The following BACE2 variants were observed in gnomAD, a reference collection of about 807,000 sequenced individuals.
BACE2 encodes the protein 56 kDa aspartic-like protease.
BACE2 carries 17 observed loss-of-function variants against 46.2 expected under a neutral mutation model. The ratio of observed to expected loss-of-function variants is 0.37; its 90% CI spans 0.25 to 0.55. The LOEUF (loss-of-function observed/expected upper bound fraction) is 0.55. BACE2 is among the 20% of genes least tolerant of loss of function. The pLI is 0.82. For synonymous variants in BACE2, 277 were observed against 295.9 expected, an observed-to-expected ratio of 0.94 and a Z score of 0.66; for missense variants, 595 against 698.1, an observed-to-expected ratio of 0.85 and a Z score of 1.66.
chr21:41,241,364 G>A (rs1406031454), intron 3 of BACE2, among the ~76,000 whole-genome samples: 1 of 152,076 alleles, frequency 6.6e-6, no homozygotes, highest in Non-Finnish European at 1.5e-5. Context: ...GTCCTCCCAG[G>A]TCAGCCACCT....
At position 41,217,034 on chromosome 21, in the gene BACE2, C is replaced by T. The variant is rs574125568; in HGVS notation, c.313-9232C>T. Among the ~76,000 whole-genome samples, 3 of 152,296 alleles carry T rather than the reference C, an allele frequency of 2.0e-5. No homozygotes were observed. In the South Asian group the frequency reaches 6.2e-4, roughly 32 times the overall value. On this transcript the variant is annotated intron_variant, in intron 1 of 8. Transcript: ENST00000330333. Reference sequence around the variant, plus strand: ...GCAACTTCTGCCTCTTGGGTTCAAGCAATTCTCCTGCCTCAGTCTCCTGAG... The same window carrying T: ...GCAACTTCTGCCTCTTGGGTTCAAGTAATTCTCCTGCCTCAGTCTCCTGAG...
At chr21:41,231,596 C>T (rs1475869177) in intron 2 of BACE2, among the ~76,000 whole-genome samples, 1 of 152,218 alleles carries the variant, frequency 6.6e-6, no homozygotes, top group African/African-American at 2.4e-5. Context: ...CTTTTCCCCT[C>T]AGTTCAATTG....
At chr21:41,204,834 T>C (rs1192750739) in intron 1 of BACE2, among the ~76,000 whole-genome samples, 1 of 152,230 alleles carries the variant, frequency 6.6e-6, no homozygotes, top group Non-Finnish European at 1.5e-5. Flanking sequence ...GGTCAGTCAA[T>C]AGAGATTTAA....
At position 41,276,894 on chromosome 21, in the gene BACE2, T is replaced by G. The variant is rs12482242; in HGVS notation, c.*1270T>G. ...GGGGGTGTTTAATCTTTGGTAACAG[T>G]TGTGCAGTGGTAGCCTTATTTCGGG... On this transcript the variant is annotated 3_prime_UTR_variant, in exon 9 of 9. Coordinates refer to ENST00000330333, the MANE Select transcript of BACE2 (RefSeq NM_012105.5). 64,758 of 152,186 alleles carry G rather than the reference T, an allele frequency of 0.43. 15,467 individuals are homozygous for G. Among genetic ancestry groups the G allele is most frequent in the East Asian group, 0.7 (3,599 of 5,158 alleles). The allele number at this position is 152,186 out of a possible 1,614,324, so 9.4% of individuals were successfully genotyped here. A position where few individuals can be genotyped will look rare whatever the true frequency, so the allele number is the denominator to read the frequency against.
In BACE2 at chr21:41,168,543, C is replaced by T. The variant is rs1984467340; in HGVS notation, c.280C>T (p.Leu94=). ...LQGDSGRGYY[L]EMLIGTPPQK... The stretch of plus-strand genomic sequence containing the variant: ...GGGGGACTCTGGCCGCGGCTACTAC[C>T]TGGAGATGCTGATCGGGACCCCCCC... Residue 94 remains leucine (L), a synonymous_variant, in exon 1 of 9, where the codon CTG becomes TTG. Transcript: ENST00000330333. The T allele has an allele frequency of 7.5e-7, 1 of 1,339,892 alleles. No homozygotes were observed. Among genetic ancestry groups the T allele is most frequent in the Non-Finnish European group, 9.6e-7 (1 of 1,037,890 alleles). 83.0% of individuals were successfully genotyped at this position (1,339,892 alleles called of 1,614,324 possible).
chr21:41,202,419 G>C (rs1329054961), intron 1 of BACE2, among the ~76,000 whole-genome samples: 1 of 152,228 alleles, frequency 6.6e-6, no homozygotes, highest in Non-Finnish European at 1.5e-5. Flanking sequence ...TCAACAAGCT[G>C]CCAGCCAGGT....
At chr21:41,224,700 G>A (rs548762217) in intron 1 of BACE2, among the ~76,000 whole-genome samples, 26 of 152,308 alleles carry the variant, frequency 1.7e-4, no homozygotes, top group Admixed American at 1.7e-3. Flanking sequence ...GAGTGAAACA[G>A]TGGGATACAG....
intron 1 of BACE2, among the ~76,000 whole-genome samples, chr21:41,172,068 G>A (rs1984627276): frequency 6.6e-6 from 1 of 152,202 alleles, no homozygotes; most frequent in South Asian, 2.1e-4. Context: ...AAACAAGAAG[G>A]CAATCCCAGC....
rs900876846 is a variant in BACE2, at chr21:41,279,176, G to A, written c.*3552G>A. The A allele has an allele frequency of 2.0e-5, 3 of 152,030 alleles. No homozygotes were observed. Among genetic ancestry groups the A allele is most frequent in the Non-Finnish European group, 2.9e-5 (2 of 68,004 alleles). The allele number at this position is 152,030 out of a possible 1,614,324, so 9.4% of individuals were successfully genotyped here. A position where few individuals can be genotyped will look rare whatever the true frequency, so the allele number is the denominator to read the frequency against. On this transcript the variant is annotated 3_prime_UTR_variant, in exon 9 of 9. Coordinates refer to ENST00000330333, the MANE Select transcript of BACE2 (RefSeq NM_012105.5). ...CTCTAGGGAGCTTTAAGAATTTCAC[G>A]TTTGAACTTTACAGCTGTTTACCAA...
chr21:41,258,210 A>G (rs1188488680), intron 8 of BACE2, among the ~76,000 whole-genome samples: 1 of 152,210 alleles, frequency 6.6e-6, no homozygotes, highest in Non-Finnish European at 1.5e-5. Context: ...TGTGCTGGTG[A>G]TATGTGAAAG....
At chr21:41,244,880 T>A (rs1277667988) in intron 5 of BACE2, among the ~76,000 whole-genome samples, 1 of 151,702 alleles carries the variant, frequency 6.6e-6, no homozygotes, top group Non-Finnish European at 1.5e-5. Context: ...TGTGTGTGTG[T>A]GAGTGTGTGT....
intron 1 of BACE2, among the ~76,000 whole-genome samples, chr21:41,215,009 G>T (rs1018481014): frequency 2.6e-5 from 4 of 152,188 alleles, no homozygotes; most frequent in African/African-American, 9.7e-5. Flanking sequence ...ACTGAGGCCT[G>T]GTCACTTGCG....
chr21:41,226,074 G>A (rs1284669981), intron 1 of BACE2, among the ~76,000 whole-genome samples, 192 bp from the exon 2 acceptor site: 5 of 152,148 alleles, frequency 3.3e-5, no homozygotes, highest in Admixed American at 3.3e-4. Flanking sequence ...TCCAGTGCAA[G>A]CTTCTTCATG....
intron 2 of BACE2, among the ~76,000 whole-genome samples, chr21:41,232,382 T>C (rs181650151): frequency 6.6e-6 from 1 of 152,296 alleles, no homozygotes; most frequent in East Asian, 1.9e-4. Context: ...TGAGACAGCT[T>C]TAGATTCAGT....
At chr21:41,178,904 A>G in intron 1 of BACE2, 1 of 316,772 alleles carries the variant, frequency 3.2e-6, no homozygotes, top group Non-Finnish European at 6.0e-6. Context: ...AGACAGTGCC[A>G]TGTGGGAAGG....
chr21:41,203,241 G>A (rs56250309), intron 1 of BACE2, among the ~76,000 whole-genome samples: 6,031 of 152,182 alleles, frequency 0.04, 373 homozygotes, highest in African/African-American at 0.13. Flanking sequence ...GAATATCAGC[G>A]GTAGGGAAGT....
rs1269087552 is a variant in BACE2 at position 41,279,218 on chromosome 21, A to AAAAATACAT, written c.*3595_*3603dup. On this transcript the variant is annotated 3_prime_UTR_variant, in exon 9 of 9. Coordinates refer to ENST00000330333, the MANE Select transcript of BACE2 (RefSeq NM_012105.5). Reference sequence around the variant, plus strand: ...GTTTACCAATTAAATGGCAAGCTGGAAAAATACATTTTGAGAGGGGTAGAA... The same window carrying AAAAATACAT: ...GTTTACCAATTAAATGGCAAGCTGGAAAAATACATAAAATACATTTTGAGAGGGGTAGAA... 1 of 152,226 alleles carries AAAAATACAT rather than the reference A, an allele frequency of 6.6e-6. No individual in the cohort carries two copies. The highest frequency in any genetic ancestry group is 2.4e-5 in the African/African-American group (1 of 41,452). 9.4% of individuals were successfully genotyped at this position (152,226 alleles called of 1,614,324 possible).
At chr21:41,254,924 C>T (rs12482462) in intron 7 of BACE2, among the ~76,000 whole-genome samples, 55,220 of 152,208 alleles carry the variant, frequency 0.36, 11,806 homozygotes, top group East Asian at 0.7. Flanking sequence ...GAGCTCTGGG[C>T]CAGCTAGGAG....
At position 41,174,138 on chromosome 21, in the gene BACE2, C is replaced by CTTTTTTTTTTTTTTTTTTTTTT. The variant is rs1568853912; in HGVS notation, c.312+5563_312+5564insTTTTTTTTTTTTTTTTTTTTTT. 7.1e-5 allele frequency among the ~76,000 whole-genome samples: 5 copies of CTTTTTTTTTTTTTTTTTTTTTT among 70,646 alleles called. 1 individual carries two copies. Among genetic ancestry groups the CTTTTTTTTTTTTTTTTTTTTTT allele is most frequent in the East Asian group, 5.5e-4 (1 of 1,816 alleles). 46.3% of individuals were successfully genotyped at this position (70,646 alleles called of 152,430 possible). Reference sequence around the variant, plus strand: ...TAAGGATAGCTGTTGTGATCAGTGGCCTTTTTTTTTTTTTTTTTTTTTTTT... The same window carrying CTTTTTTTTTTTTTTTTTTTTTT: ...TAAGGATAGCTGTTGTGATCAGTGGCTTTTTTTTTTTTTTTTTTTTTTCTTTTTTTTTTTTTTTTTTTTTTTT... On this transcript the variant is annotated intron_variant, in intron 1 of 8. Coordinates refer to ENST00000330333, the MANE Select transcript of BACE2 (RefSeq NM_012105.5).
Sources: gnomAD v4.1 joint callset for allele counts (sites outside exome capture counted in the v4.1 genomes callset) on GRCh38, gnomAD v4.1.1 for gene constraint, MANE v1.5 for transcripts, NCBI Gene and HGNC (gene_info 2026-07-23, HGNC 2026-07-21) for gene names.